Variants in TRAK1 observed in about 807,000 individuals in gnomAD.
The protein encoded by TRAK1 is trafficking kinesin-binding protein 1.
A neutral mutation model predicts 92.1 loss-of-function variants in TRAK1; 33 were observed. The ratio of observed to expected loss-of-function variants is 0.36; its 90% CI spans 0.27 to 0.48. The LOEUF (loss-of-function observed/expected upper bound fraction) is 0.48, where lower values mean the gene tolerates loss of function less well. Ranked by LOEUF, TRAK1 falls within the 20% of genes least tolerant of loss-of-function variation. TRAK1 has a pLI of 0.99. For synonymous variants in TRAK1, 521 were observed against 517.3 expected (o/e 1.01, Z -0.10); for missense variants, 1,123 against 1,257.9 (o/e 0.89, Z 1.62).
chr3:42,109,030 T>C (rs1380180579), intron 1 of TRAK1, among the ~76,000 whole-genome samples: 3 of 152,158 alleles, frequency 2.0e-5, no homozygotes, highest in African/African-American at 7.2e-5. Context: ...GAGTGGTGGT[T>C]AGGATTTTGA....
Position 42,216,565 on chromosome 3 carries a change from T to C in TRAK1, c.1964-2929T>C, listed in dbSNP as rs149238721. Among the ~76,000 whole-genome samples, 641 of 152,332 alleles carry C rather than the reference T, an allele frequency of 4.2e-3. 4 individuals are homozygous for C. Among genetic ancestry groups the C allele is most frequent in the African/African-American group, 0.015 (612 of 41,582 alleles). ...GCTAGCTGAAGGATGTGTGCTTGCA[T>C]GTGGTGTGTTTTAAGAACAAAACAT... On this transcript the variant is annotated intron_variant, in intron 14 of 15. Transcript: ENST00000327628.
chr3:42,056,440 GT>G (rs1173494416), intron 1 of TRAK1, among the ~76,000 whole-genome samples: 3 of 151,998 alleles, frequency 2.0e-5, no homozygotes, highest in Non-Finnish European at 4.4e-5. Context: ...GGTTAATGAT[GT>G]TGAGCATTTT....
intron 4 of TRAK1, 52 bp from the exon 5 acceptor site, chr3:42,187,993 G>A: frequency 2.7e-6 from 4 of 1,476,716 alleles, no homozygotes; most frequent in South Asian, 2.3e-5. Flanking sequence ...GAGTCGGGGG[G>A]GACAGTATCA....
intron 1 of TRAK1, among the ~76,000 whole-genome samples, chr3:42,121,796 A>G (rs1709913753): frequency 1.3e-5 from 2 of 152,088 alleles, no homozygotes. Flanking sequence ...AAGGCTGGTC[A>G]TGTCACAGAA....
At chr3:42,126,759 A>G (rs903936507) in intron 2 of TRAK1, among the ~76,000 whole-genome samples, 2 of 152,054 alleles carry the variant, frequency 1.3e-5, no homozygotes, top group African/African-American at 4.8e-5. Context: ...GATCTCTCCA[A>G]TTTTCTTGAA....
intron 1 of TRAK1, among the ~76,000 whole-genome samples, chr3:42,124,579 C>G (rs566279248): frequency 9.2e-5 from 14 of 152,252 alleles, no homozygotes; most frequent in Middle Eastern, 6.8e-3. Context: ...AGTATGCACC[C>G]CCTGAGCACA....
upstream of TRAK1, among the ~76,000 whole-genome samples, chr3:42,087,945 A>T (rs187607321): frequency 6.6e-6 from 1 of 152,306 alleles, no homozygotes; most frequent in East Asian, 1.9e-4. Context: ...CTGTGCGGGC[A>T]CTTAGTAGTA....
chr3:42,168,166 A>G (rs1474392135), intron 2 of TRAK1, among the ~76,000 whole-genome samples: 1 of 152,218 alleles, frequency 6.6e-6, no homozygotes, highest in Non-Finnish European at 1.5e-5. Flanking sequence ...TAATTTTAAA[A>G]TAGTCTAGTC....
Position 42,194,818 on chromosome 3 carries a change from G to A in TRAK1, c.990G>A (p.Glu330=), listed in dbSNP as rs1706356896. 6.2e-7 allele frequency: 1 copy of A among 1,613,696 alleles called. No individual in the cohort carries two copies. The highest frequency in any genetic ancestry group is 8.5e-7 in the Non-Finnish European group (1 of 1,179,836). The part of the protein sequence containing the change: ...RQLTAELREL[E]DKYAECMEML... ...CCTGCCTGCAGCTGCGTGAGCTGGA[G>A]GACAAGTACGCAGAGTGCATGGAGA... The change falls in exon 10 of 16, where the codon GAG becomes GAA. Residue 330 remains glutamate (E), a synonymous_variant. Coordinates refer to ENST00000327628, the MANE Select transcript of TRAK1 (RefSeq NM_001042646.3).
At chr3:42,094,365 G>A (rs1208139170) in intron 1 of TRAK1, among the ~76,000 whole-genome samples, 1 of 152,110 alleles carries the variant, frequency 6.6e-6, no homozygotes, top group Non-Finnish European at 1.5e-5. Context: ...AAACTATCAG[G>A]AGCTGAAACT....
intron 1 of TRAK1, among the ~76,000 whole-genome samples, chr3:42,034,407 C>G (rs901129140): frequency 2.6e-5 from 4 of 152,212 alleles, no homozygotes; most frequent in African/African-American, 9.6e-5. Context: ...ATTCTCCCAC[C>G]TCAGCCTCCT....
chr3:42,182,275 G>A (rs1482876621), intron 3 of TRAK1, among the ~76,000 whole-genome samples: 1 of 150,998 alleles, frequency 6.6e-6, no homozygotes, highest in Non-Finnish European at 1.5e-5. Context: ...TTGTGGGAAC[G>A]AGTTGGGGGA....
intron 4 of TRAK1, among the ~76,000 whole-genome samples, chr3:42,186,663 C>T (rs923768788): frequency 1.3e-5 from 2 of 152,188 alleles, no homozygotes; most frequent in African/African-American, 2.4e-5. Flanking sequence ...AATGGTCACC[C>T]GTCAGCTTCT....
chr3:42,149,688 A>T, intron 2 of TRAK1: 1 of 1,501,850 alleles, frequency 6.7e-7, no homozygotes, highest in East Asian at 2.5e-5. Context: ...TTTAGGGGAG[A>T]CAGGCGGCTG....
chr3:42,138,094 T>A (rs1420962061), intron 2 of TRAK1, among the ~76,000 whole-genome samples: 1 of 152,176 alleles, frequency 6.6e-6, no homozygotes, highest in Non-Finnish European at 1.5e-5. Flanking sequence ...TTTATAGAAA[T>A]TGTAGTGTGG....
chr3:42,163,879 G>A (rs1337534980), intron 2 of TRAK1, among the ~76,000 whole-genome samples: 1 of 152,134 alleles, frequency 6.6e-6, no homozygotes, highest in Non-Finnish European at 1.5e-5. Flanking sequence ...CAGTCCTGTA[G>A]GTGAGGTGTT....
At chr3:42,182,374 GC>G (rs1463988906) in intron 3 of TRAK1, among the ~76,000 whole-genome samples, 4 of 150,962 alleles carry the variant, frequency 2.6e-5, no homozygotes, top group African/African-American at 9.7e-5. Flanking sequence ...GGGTGAGTGA[GC>G]CCCGCCTCCT....
intron 2 of TRAK1, among the ~76,000 whole-genome samples, chr3:42,133,307 A>G (rs905069152): frequency 6.6e-6 from 1 of 152,060 alleles, no homozygotes; most frequent in Admixed American, 6.5e-5. Flanking sequence ...AGACCCTCGA[A>G]TACACCAAAC....
chr3:42,077,061 A>C (rs1576253693), intron 1 of TRAK1, among the ~76,000 whole-genome samples: 1 of 152,274 alleles, frequency 6.6e-6, no homozygotes, highest in African/African-American at 2.4e-5. Flanking sequence ...AAATCAGGTA[A>C]GTGTGATCCT....
Sources: allele counts gnomAD v4.1 joint callset (sites outside exome capture counted in the v4.1 genomes callset), GRCh38; gene constraint gnomAD v4.1.1; transcripts MANE v1.5; gene names NCBI Gene and HGNC (gene_info 2026-07-23, HGNC 2026-07-21).